The following TBL1XR1 variants were observed in gnomAD, a reference collection of about 807,000 sequenced individuals.
The protein encoded by TBL1XR1 is F-box-like/WD repeat-containing protein TBL1XR1.
In TBL1XR1, 5 loss-of-function variants were observed where a neutral mutation model predicts 66.9. The ratio of observed to expected loss-of-function variants is 0.07; its 90% CI spans 0.04 to 0.16. TBL1XR1 has a LOEUF of 0.16. Ranked by LOEUF, TBL1XR1 falls within the 10% of genes least tolerant of loss-of-function variation. The pLI, the probability that TBL1XR1 is intolerant of heterozygous loss-of-function variation, is 1.00. For synonymous variants in TBL1XR1, 210 were observed against 206.0 expected (o/e 1.02, Z -0.17); for missense variants, 238 against 623.2 (o/e 0.38, Z 6.58).
chr3:177,097,674 A>G (rs1194376842), intron 2 of TBL1XR1, among the ~76,000 whole-genome samples: 2 of 152,208 alleles, frequency 1.3e-5, no homozygotes, highest in African/African-American at 2.4e-5. Context: ...AACAGGTAGA[A>G]TCCTAGCCAT....
chr3:177,117,240 T>G (rs774096944), intron 1 of TBL1XR1, among the ~76,000 whole-genome samples: 2 of 152,234 alleles, frequency 1.3e-5, no homozygotes, highest in Non-Finnish European at 2.9e-5. Context: ...CAGTCTAGTA[T>G]TATTATTCCT....
upstream of TBL1XR1, among the ~76,000 whole-genome samples, chr3:177,198,194 A>G (rs1344886401): frequency 6.6e-6 from 1 of 152,212 alleles, no homozygotes; most frequent in African/African-American, 2.4e-5. Flanking sequence ...AATGTGATCC[A>G]GAGCACGGGA....
intron 1 of TBL1XR1, among the ~76,000 whole-genome samples, chr3:177,162,764 CA>C: frequency 6.6e-6 from 1 of 151,872 alleles, no homozygotes. Flanking sequence ...TGGAAGTGCC[CA>C]AAATAAAAGT....
chr3:177,131,460 A>G (rs1404524702), intron 1 of TBL1XR1: 30 of 880,984 alleles, frequency 3.4e-5, no homozygotes, highest in Non-Finnish European at 3.8e-5. Flanking sequence ...CTAAAAGTTG[A>G]GAAAACAAAA....
chr3:177,109,887 T>C (rs967340380), intron 1 of TBL1XR1, among the ~76,000 whole-genome samples: 7 of 152,156 alleles, frequency 4.6e-5, no homozygotes, highest in Non-Finnish European at 1.0e-4. Context: ...AAGCTTCCTG[T>C]ATGCTCGATG....
upstream of TBL1XR1, among the ~76,000 whole-genome samples, chr3:177,200,134 G>A (rs1175765586): frequency 1.3e-5 from 2 of 152,038 alleles, no homozygotes; most frequent in African/African-American, 4.8e-5. Flanking sequence ...CACCACGCCT[G>A]GCTAATTTTG....
At chr3:177,113,212 TAAAC>T (rs1725871230) in intron 1 of TBL1XR1, among the ~76,000 whole-genome samples, 1 of 148,866 alleles carries the variant, frequency 6.7e-6, no homozygotes, top group African/African-American at 2.5e-5. Context: ...ATACAAAAAT[TAAAC>T]AAAAAAAATG....
chr3:177,196,256 G>A (rs910210310), intron 1 of TBL1XR1: 1 of 152,074 alleles, frequency 6.6e-6, no homozygotes, highest in African/African-American at 2.4e-5. Flanking sequence ...CGGTTGCAAA[G>A]AGGAAGTTAC....
chr3:177,087,293 TATGTA>T (rs1722263091), intron 2 of TBL1XR1, among the ~76,000 whole-genome samples: 1 of 152,056 alleles, frequency 6.6e-6, no homozygotes, highest in Non-Finnish European at 1.5e-5. Flanking sequence ...AAAGTACCTC[TATGTA>T]ATCTGTTCTA....
intron 4 of TBL1XR1, among the ~76,000 whole-genome samples, chr3:177,052,399 A>G (rs1222069095): frequency 6.6e-6 from 1 of 152,216 alleles, no homozygotes; most frequent in Non-Finnish European, 1.5e-5. Context: ...AAACTGGTAA[A>G]CATGTACCAG....
chr3:177,061,361 T>C (rs796162893), intron 3 of TBL1XR1, among the ~76,000 whole-genome samples: 21 of 152,330 alleles, frequency 1.4e-4, no homozygotes, highest in African/African-American at 4.8e-4. Flanking sequence ...TTTAAGTGAT[T>C]TTCCCCCTGC....
intron 1 of TBL1XR1, among the ~76,000 whole-genome samples, chr3:177,177,350 TGAA>T (rs143045251): frequency 0.033 from 5,022 of 151,976 alleles, 211 homozygotes; most frequent in African/African-American, 0.099. Flanking sequence ...CTCAGGAGGC[TGAA>T]GAAGGAGAAT....
upstream of TBL1XR1, among the ~76,000 whole-genome samples, chr3:177,200,915 G>A (rs1297107492): frequency 3.3e-5 from 5 of 151,866 alleles, no homozygotes; most frequent in Admixed American, 1.3e-4. Context: ...GCTGAGGCAG[G>A]AGAATCGCTT....
At chr3:177,044,171 CAT>C (rs1715999201) in intron 10 of TBL1XR1, among the ~76,000 whole-genome samples, 1 of 152,174 alleles carries the variant, frequency 6.6e-6, no homozygotes, top group Non-Finnish European at 1.5e-5. Context: ...TTTCATCTCA[CAT>C]GTTGTTTAAT....
intron 2 of TBL1XR1, among the ~76,000 whole-genome samples, chr3:177,086,108 C>T (rs1722081746): frequency 2.0e-5 from 3 of 150,690 alleles, no homozygotes; most frequent in African/African-American, 7.3e-5. Context: ...CAGATATTAG[C>T]ACTAGCCAAG....
At chr3:177,083,264 T>C (rs1019021179) in intron 2 of TBL1XR1, among the ~76,000 whole-genome samples, 1 of 152,182 alleles carries the variant, frequency 6.6e-6, no homozygotes, top group Non-Finnish European at 1.5e-5. Flanking sequence ...CCATTAATCA[T>C]ACTTGAATCT....
intron 2 of TBL1XR1, chr3:177,079,406 C>T (rs945958282): frequency 6.7e-6 from 1 of 148,618 alleles, no homozygotes; most frequent in Non-Finnish European, 1.5e-5. Flanking sequence ...GCACTCCAGC[C>T]TGGGCGACAG....
At chr3:177,172,259 C>A (rs1435440936) in intron 1 of TBL1XR1, among the ~76,000 whole-genome samples, 1 of 41,070 alleles carries the variant, frequency 2.4e-5, no homozygotes, top group Non-Finnish European at 5.8e-5. Flanking sequence ...AAACTCCCAC[C>A]TCAAAAAAAA....
intron 1 of TBL1XR1, among the ~76,000 whole-genome samples, chr3:177,139,452 T>C (rs1729374651): frequency 6.6e-6 from 1 of 151,688 alleles, no homozygotes; most frequent in African/African-American, 2.4e-5. Context: ...GGAGAATCGC[T>C]TGAACTCAGG....
Sources: gnomAD v4.1 joint callset for allele counts (sites outside exome capture counted in the v4.1 genomes callset) on GRCh38, gnomAD v4.1.1 for gene constraint, MANE v1.5 for transcripts, NCBI Gene and HGNC (gene_info 2026-07-23, HGNC 2026-07-21) for gene names.